NAGPA: variants seen among roughly 807,000 people sequenced by gnomAD.
The protein encoded by NAGPA is N-acetylglucosamine-1-phosphodiester alpha-N-acetylglucosaminidase.
NAGPA carries 56 observed loss-of-function variants against 48.5 expected under a neutral mutation model. The ratio of observed to expected loss-of-function variants is 1.15; its 90% CI spans 0.93 to 1.44. The LOEUF (loss-of-function observed/expected upper bound fraction) is 1.44. Among genes scored for constraint, NAGPA ranks in the 40% most tolerant of loss-of-function variants. The pLI, the probability that NAGPA is intolerant of heterozygous loss-of-function variation, is 0.00. For missense variants in NAGPA, 888 were observed against 735.0 expected (o/e 1.21, Z -2.41); for synonymous variants, 399 against 315.5 (o/e 1.26, Z -2.81).
At chr16:5,030,210 G>A (rs1007151268) in intron 4 of NAGPA, 175 bp downstream of exon 4, 13 of 649,042 alleles carry the variant, frequency 2.0e-5, no homozygotes, top group African/African-American at 9.0e-5. Context: ...TCTTGGAATC[G>A]GCAAAGATCT....
At chr16:5,027,577 T>A (rs1294691952) in intron 7 of NAGPA, among the ~76,000 whole-genome samples, 198 bp from the exon 8 acceptor site, 1 of 152,182 alleles carries the variant, frequency 6.6e-6, no homozygotes, top group Non-Finnish European at 1.5e-5. Context: ...ACAGAGGCAC[T>A]GCAGTTAGGA....
At chr16:5,030,943 T>A (rs1282797936) in intron 3 of NAGPA, 2 of 249,622 alleles carry the variant, frequency 8.0e-6, no homozygotes, top group African/African-American at 4.5e-5. Flanking sequence ...TTTTTTTTTT[T>A]TTGAGACAAA....
intron 3 of NAGPA, 97 bp downstream of exon 3, chr16:5,031,648 G>A: frequency 6.6e-7 from 1 of 1,526,344 alleles, no homozygotes; most frequent in Non-Finnish European, 9.1e-7. Flanking sequence ...GCACAAAGTA[G>A]CTGCTCAATA....
chr16:5,032,230 T>A (rs1001170), intron 2 of NAGPA, among the ~76,000 whole-genome samples: 1 of 152,012 alleles, frequency 6.6e-6, no homozygotes. Flanking sequence ...GTTACGGCCC[T>A]TCATTGGCTT....
intron 3 of NAGPA, 171 bp downstream of exon 3, chr16:5,031,574 C>T (rs1370483565): frequency 1.2e-5 from 10 of 846,442 alleles, no homozygotes; most frequent in Admixed American, 9.7e-5. Context: ...TATTTTTTGT[C>T]CTATATATTC....
rs1389978307 is a variant in NAGPA, at chr16:5,031,857, G to A, written c.570C>T (p.Asp190=). The A allele has an allele frequency of 1.2e-6, 2 of 1,614,030 alleles. No individual in the cohort carries two copies. Among genetic ancestry groups the A allele is most frequent in the Admixed American group, 1.7e-5 (1 of 59,990 alleles). ...TGYLSEEEVL[D]TENPFVQLLS... is the part of the protein sequence containing the mutation. Reference sequence around the variant, plus strand: ...GCAGCTGCACAAATGGGTTCTCAGTGTCCAGCACCTCCTCCTCAGACAGGT... The same window carrying A: ...GCAGCTGCACAAATGGGTTCTCAGTATCCAGCACCTCCTCCTCAGACAGGT... Residue 190 remains aspartate (D), a synonymous_variant, in exon 3 of 10, where the codon GAC becomes GAT. Transcript: ENST00000312251.
At position 5,033,551 on chromosome 16, in the gene NAGPA, GC is replaced by G; in HGVS notation, c.263del (p.Arg88ProfsTer7). 1.3e-6 allele frequency: 2 copies of G among 1,506,200 alleles called. No individual in the cohort carries two copies. Among genetic ancestry groups the G allele is most frequent in the Non-Finnish European group, 1.8e-6 (2 of 1,136,972 alleles). The allele number at this position is 1,506,200 out of a possible 1,614,324, so 93.3% of individuals were successfully genotyped here. A position where few individuals can be genotyped will look rare whatever the true frequency, so the allele number is the denominator to read the frequency against. On this transcript the variant is annotated frameshift_variant, in exon 2 of 10. Coordinates refer to ENST00000312251, the MANE Select transcript of NAGPA (RefSeq NM_016256.4). LOFTEE classifies it high-confidence loss of function. The surrounding 1 kb of genome is among the most constrained non-coding windows in gnomAD (Gnocchi z 4.2). ...CCCGCGTCAGGTGGCCGGCCACCGC[GC>G]GGTCCCTGAAGTGCGACACGAAGGT... ...VRTFVSHFRD[R>X]AVAGHLTRAV...
intron 5 of NAGPA, 153 bp from the exon 6 acceptor site, chr16:5,028,338 G>T: frequency 7.0e-7 from 1 of 1,424,512 alleles, no homozygotes; most frequent in African/African-American, 1.4e-5. Context: ...GAGGTATTGC[G>T]ATCCTTCCAC....
At chr16:5,031,908 C>A in intron 2 of NAGPA, 24 bp from the exon 3 acceptor site, 3 of 1,614,092 alleles carry the variant, frequency 1.9e-6, no homozygotes, top group Non-Finnish European at 2.5e-6. Context: ...AGGTGGGAAG[C>A]TCACTCACCA....
At position 5,027,842 on chromosome 16, in the gene NAGPA, C is replaced by T. The variant is rs771754208; in HGVS notation, c.1174+4G>A. ...CCATCCGCTAGTGGCGTGGCAGCTC[C>T]TACCTTCACTGCAGTTGGACCCGGT... is the stretch of plus-strand genomic sequence containing the variant. On this transcript the variant is annotated splice_donor_region_variant and intron_variant, in intron 7 of 9. Coordinates refer to ENST00000312251, the MANE Select transcript of NAGPA (RefSeq NM_016256.4). 1.3e-6 allele frequency: 2 copies of T among 1,557,298 alleles called. No homozygotes were observed. Among genetic ancestry groups the T allele is most frequent in the East Asian group, 4.9e-5 (2 of 41,234 alleles).
chr16:5,031,947 T>C (rs375217742), intron 2 of NAGPA, 63 bp from the exon 3 acceptor site: 1 of 1,610,334 alleles, frequency 6.2e-7, no homozygotes, highest in Non-Finnish European at 8.5e-7. Context: ...AGTCAGGCTC[T>C]TTCTCCCTAG....
At chr16:5,031,565 A>AT (rs1956096575) in intron 3 of NAGPA, 180 bp downstream of exon 3, 2 of 805,028 alleles carry the variant, frequency 2.5e-6, no homozygotes, top group Non-Finnish European at 4.2e-6. Context: ...TTCTATAACT[A>AT]TTTTTTGTCC....
Position 5,033,442 on chromosome 16 carries a change from C to G in NAGPA, c.373G>C (p.Glu125Gln). 6.3e-7 allele frequency: 1 copy of G among 1,591,866 alleles called. No individual in the cohort carries two copies. Among genetic ancestry groups the G allele is most frequent in the South Asian group, 1.1e-5 (1 of 90,422 alleles). The change falls in exon 2 of 10, where the codon GAG becomes CAG. Residue 125 changes from glutamate to glutamine, a missense_variant. Glu to Gln is a conservative substitution (Grantham distance 29). Transcript: ENST00000312251. The surrounding 1 kb of genome is among the most constrained non-coding windows in gnomAD (Gnocchi z 4.2). ...CAARRRATVEETARAADCRVA... is the reference protein window; with the variant it reads ...CAARRRATVEQTARAADCRVA... Reference sequence around the variant, plus strand: ...CGGCAGTCGGCCGCCCGCGCCGTCTCCTCCACGGTGGCGCGTCGTCTCGCC... The same window carrying G: ...CGGCAGTCGGCCGCCCGCGCCGTCTGCTCCACGGTGGCGCGTCGTCTCGCC...
chr16:5,025,339 G>C lies in NAGPA; in HGVS notation c.*139C>G, dbSNP rs887855. On this transcript the variant is annotated 3_prime_UTR_variant, in exon 10 of 10. Transcript: ENST00000312251. The stretch of plus-strand genomic sequence containing the variant: ...CCAGGTGAGGGGCTGAGGCACAAGT[G>C]CTATCAGGAACTTGGCTGCCCCACA... The C allele has an allele frequency of 0.024, 24,009 of 994,184 alleles. 384 individuals are homozygous for C. Among genetic ancestry groups the C allele is most frequent in the Middle Eastern group, 0.057 (172 of 3,018 alleles). 61.6% of individuals were successfully genotyped at this position (994,184 alleles called of 1,614,324 possible).
rs1236572192 is a variant in NAGPA, at chr16:5,028,174, A to G, written c.932T>C (p.Met311Thr). ...SYPSDHCQDN[M>T]WRCPRQVSTV... ...GGACACTTGGCGGGGACAGCGCCAC[A>G]TGTTGTCCTGGCTGTAGAGGGATGT... The change falls in exon 6 of 10, where the codon ATG becomes ACG. Residue 311 changes from methionine (M) to threonine (T), a missense_variant. By Grantham distance (81) the Met-to-Thr change is moderately conservative. Transcript: ENST00000312251. The G allele has an allele frequency of 7.0e-6, 11 of 1,564,082 alleles. No individual in the cohort carries two copies. The highest frequency in any genetic ancestry group is 7.8e-6 in the Non-Finnish European group (9 of 1,153,876).
chr16:5,025,056 G>A lies in NAGPA; in HGVS notation c.*422C>T, dbSNP rs1955970525. ...TGTAGAAAAGGGGTCCCGTGTCACA[G>A]CCAGGAAGGCAGACTCGTCCCTTTA... is the stretch of plus-strand genomic sequence containing the variant. On this transcript the variant is annotated 3_prime_UTR_variant, in exon 10 of 10. Coordinates refer to ENST00000312251, the MANE Select transcript of NAGPA (RefSeq NM_016256.4). 1 of 217,452 alleles carries A rather than the reference G, an allele frequency of 4.6e-6. No individual in the cohort carries two copies. Among genetic ancestry groups the A allele is most frequent in the South Asian group, 8.8e-5 (1 of 11,308 alleles). 13.5% of individuals were successfully genotyped at this position (217,452 alleles called of 1,614,324 possible).
intron 2 of NAGPA, among the ~76,000 whole-genome samples, chr16:5,032,146 C>T (rs1243996773): frequency 6.6e-6 from 1 of 152,070 alleles, no homozygotes; most frequent in Admixed American, 6.6e-5. Flanking sequence ...AATGACCATC[C>T]CCCAACAGAG....
At chr16:5,031,974 G>T in intron 2 of NAGPA, 90 bp from the exon 3 acceptor site, 2 of 1,572,038 alleles carry the variant, frequency 1.3e-6, no homozygotes, top group Non-Finnish European at 1.7e-6. Context: ...CAACCTGGCT[G>T]CTAGATTCCC....
Position 5,031,784 on chromosome 16 carries a change from C to G in NAGPA, c.643G>C (p.Glu215Gln). 1 of 1,614,170 alleles carries G rather than the reference C, an allele frequency of 6.2e-7. No individual in the cohort carries two copies. The highest frequency in any genetic ancestry group is 8.5e-7 in the Non-Finnish European group (1 of 1,180,026). The change falls in exon 3 of 10, where the codon GAG becomes CAG. Residue 215 changes from glutamate (E) to glutamine (Q), a missense_variant. By Grantham distance (29) the Glu-to-Gln change is conservative. Coordinates refer to ENST00000312251, the MANE Select transcript of NAGPA (RefSeq NM_016256.4). Reference protein sequence around the residue: ...LIRNGSIYINESQATECDETQ... With the variant: ...LIRNGSIYINQSQATECDETQ... ...TCGTCACACTCTGTGGCTTGGCTCT[C>G]GTTGATGTAGATGCTTCCATTACGA...
Sources: allele counts gnomAD v4.1 joint callset (sites outside exome capture counted in the v4.1 genomes callset), GRCh38; gene constraint gnomAD v4.1.1; non-coding constraint Gnocchi (gnomAD v3.1); transcripts MANE v1.5; gene names NCBI Gene and HGNC (gene_info 2026-07-23, HGNC 2026-07-21).